The following TJP1 variants were observed in gnomAD, a reference collection of about 807,000 sequenced individuals.
TJP1 encodes the protein tight junction protein ZO-1.
Under a neutral mutation model 194.2 loss-of-function variants are expected in TJP1, and 43 were observed. The observed-to-expected ratio is 0.22, with a 90% CI of 0.17 to 0.29. TJP1 has a LOEUF of 0.29. TJP1 is among the 10% of genes least tolerant of loss of function. TJP1 has a pLI of 1.00. For synonymous variants in TJP1, 801 were observed against 779.0 expected (o/e 1.03, Z -0.47); for missense variants, 1,971 against 2,185.7 (o/e 0.90, Z 1.96).
Position 29,955,753 on chromosome 15 carries a change from TAAAAAAAAAAAAAAA to T in TJP1, c.306+464_306+478del, listed in dbSNP as rs563535771. Among the ~76,000 whole-genome samples, 123 of 35,814 alleles carry T rather than the reference TAAAAAAAAAAAAAAA, an allele frequency of 3.4e-3. 1 individual carries two copies. Among genetic ancestry groups the T allele is most frequent in the Non-Finnish European group, 4.4e-3 (88 of 19,952 alleles). 23.5% of individuals were successfully genotyped at this position (35,814 alleles called of 152,430 possible). On this transcript the variant is annotated intron_variant, in intron 2 of 28. Transcript: ENST00000356107. ...GCAACAGAAGGAGACCCTGGCTCTT[TAAAAAAAAAAAAAAA>T]AAAAAAAAAAAAAAAGAATAGAAAG...
chr15:29,932,547 T>C (rs552984135), intron 2 of TJP1, among the ~76,000 whole-genome samples: 1 of 151,998 alleles, frequency 6.6e-6, no homozygotes, highest in South Asian at 2.1e-4. Context: ...GGAGAACATC[T>C]TTATGACCTG....
intron 2 of TJP1, among the ~76,000 whole-genome samples, chr15:29,872,107 G>C (rs2052546789): frequency 6.6e-6 from 1 of 152,184 alleles, no homozygotes; most frequent in South Asian, 2.1e-4. Context: ...GGTGACTGCA[G>C]GAAGGCCTAT....
chr15:29,788,710 C>T (rs1398266386), intron 2 of TJP1, among the ~76,000 whole-genome samples: 1 of 152,100 alleles, frequency 6.6e-6, no homozygotes, highest in Admixed American at 6.6e-5. Flanking sequence ...CTTTAGTATA[C>T]AAATATTTAA....
chr15:29,779,526 C>T (rs958155652), intron 2 of TJP1, among the ~76,000 whole-genome samples: 22 of 152,292 alleles, frequency 1.4e-4, no homozygotes, highest in Admixed American at 1.4e-3. Flanking sequence ...CAAGTCATCG[C>T]AGTGACTGGC....
At chr15:29,750,678 T>C (rs1311500476) in intron 8 of TJP1, among the ~76,000 whole-genome samples, 1 of 152,118 alleles carries the variant, frequency 6.6e-6, no homozygotes, top group African/African-American at 2.4e-5. Flanking sequence ...ATAACCTTAA[T>C]ACAGGAAATA....
intron 8 of TJP1, among the ~76,000 whole-genome samples, chr15:29,747,457 T>C (rs2044874573): frequency 6.6e-6 from 1 of 152,146 alleles, no homozygotes; most frequent in Admixed American, 6.5e-5. Flanking sequence ...AAATTATCCC[T>C]GCATTGTTTG....
chr15:29,940,227 T>A (rs886159098), intron 2 of TJP1, among the ~76,000 whole-genome samples: 1 of 152,052 alleles, frequency 6.6e-6, no homozygotes, highest in Non-Finnish European at 1.5e-5. Context: ...AAAGAGTAAA[T>A]CATAGGGGAG....
chr15:29,785,767 C>G (rs781250024), intron 2 of TJP1, among the ~76,000 whole-genome samples: 2 of 152,142 alleles, frequency 1.3e-5, no homozygotes, highest in Non-Finnish European at 2.9e-5. Flanking sequence ...GGAACCTGTT[C>G]TAGCCATTTG....
At chr15:29,747,272 G>A (rs945494949) in intron 8 of TJP1, among the ~76,000 whole-genome samples, 2 of 152,146 alleles carry the variant, frequency 1.3e-5, no homozygotes, top group Non-Finnish European at 2.9e-5. Context: ...GCAAGACAGC[G>A]AGACTTTGTC....
intron 23 of TJP1, among the ~76,000 whole-genome samples, chr15:29,716,309 GGTGT>G (rs1273880589): frequency 6.6e-6 from 1 of 152,236 alleles, no homozygotes; most frequent in Non-Finnish European, 1.5e-5. Context: ...GACATCATTA[GGTGT>G]GTGTACAGAA....
chr15:29,763,014 C>T (rs886313724), intron 5 of TJP1, among the ~76,000 whole-genome samples: 1 of 152,114 alleles, frequency 6.6e-6, no homozygotes, highest in Non-Finnish European at 1.5e-5. Flanking sequence ...TTTCCCAGCT[C>T]CTAGACCAAA....
chr15:29,850,411 A>C (rs991146678), intron 2 of TJP1, among the ~76,000 whole-genome samples: 2 of 152,106 alleles, frequency 1.3e-5, no homozygotes, highest in African/African-American at 4.8e-5. Flanking sequence ...GCTCACTGCA[A>C]GCTCCGCCTC....
intron 2 of TJP1, among the ~76,000 whole-genome samples, chr15:29,860,251 G>C (rs1262166195): frequency 1.3e-5 from 2 of 152,160 alleles, no homozygotes; most frequent in Non-Finnish European, 2.9e-5. Context: ...CTGTTTCACT[G>C]TTTAAGTGTT....
chr15:29,744,533 CA>C (rs1207151289), intron 8 of TJP1, among the ~76,000 whole-genome samples: 1 of 151,826 alleles, frequency 6.6e-6, no homozygotes, highest in East Asian at 1.9e-4. Flanking sequence ...TAAAAGAAGC[CA>C]ATAAATATAT....
intron 2 of TJP1, among the ~76,000 whole-genome samples, chr15:29,848,620 G>GAA (rs2051512675): frequency 6.6e-6 from 1 of 152,142 alleles, no homozygotes; most frequent in African/African-American, 2.4e-5. Context: ...CCAGCACTTT[G>GAA]GGAAGCCAAG....
At chr15:29,803,145 T>C (rs1262500640) in intron 1 of TJP1, among the ~76,000 whole-genome samples, 2 of 152,166 alleles carry the variant, frequency 1.3e-5, no homozygotes, top group Non-Finnish European at 2.9e-5. Context: ...GGGTGACATT[T>C]TTCTATCAGG....
intron 2 of TJP1, among the ~76,000 whole-genome samples, chr15:29,950,236 C>T (rs2055686886): frequency 6.7e-6 from 1 of 149,112 alleles, no homozygotes; most frequent in Admixed American, 6.7e-5. Flanking sequence ...CCTCCACCAC[C>T]ACCACCTCCT....
intron 2 of TJP1, among the ~76,000 whole-genome samples, chr15:29,906,018 T>G (rs190104852): frequency 5.6e-4 from 85 of 152,306 alleles, no homozygotes; most frequent in Non-Finnish European, 2.6e-4. Context: ...GAACTTTGCA[T>G]GATAATGATG....
At chr15:29,859,067 T>C (rs1195777034) in intron 2 of TJP1, among the ~76,000 whole-genome samples, 1 of 152,224 alleles carries the variant, frequency 6.6e-6, no homozygotes, top group Non-Finnish European at 1.5e-5. Context: ...TTGTGGACTA[T>C]TTAAGTGACA....
Sources: allele counts gnomAD v4.1 joint callset (sites outside exome capture counted in the v4.1 genomes callset), GRCh38; gene constraint gnomAD v4.1.1; transcripts MANE v1.5; gene names NCBI Gene and HGNC (gene_info 2026-07-23, HGNC 2026-07-21).